Variants in DNAI1 observed in about 807,000 individuals in gnomAD.
DNAI1 encodes the protein dynein, axonemal, intermediate polypeptide 1.
DNAI1 carries 67 observed loss-of-function variants against 92.0 expected under a neutral mutation model. That is an observed-to-expected ratio of 0.73 (90% confidence interval 0.60 to 0.89). DNAI1 has a LOEUF of 0.89. Among genes scored for constraint, DNAI1 ranks in the 40% least tolerant of loss-of-function variants. DNAI1 has a pLI of 0.00. For synonymous variants in DNAI1, 323 were observed against 319.6 expected (o/e 1.01, Z -0.11); for missense variants, 839 against 866.6 (o/e 0.97, Z 0.40).
chr9:34,489,563 C>T, intron 5 of DNAI1, 114 bp downstream of exon 5: 2 of 1,328,238 alleles, frequency 1.5e-6, no homozygotes, highest in Non-Finnish European at 2.1e-6. Flanking sequence ...CTAACATAAA[C>T]TCCAGGCCGG....
chr9:34,504,731 G>C (rs528504372), intron 12 of DNAI1, among the ~76,000 whole-genome samples: 3 of 152,218 alleles, frequency 2.0e-5, no homozygotes, highest in Non-Finnish European at 4.4e-5. Context: ...AGCCCAGCTC[G>C]GCACCATGGC....
rs1554688186 is a variant in DNAI1 at position 34,492,493 on chromosome 9, G to GATAGATATATATATATATAT, written c.682-698_682-697insGATATATATATATATATATA. 2.8e-4 allele frequency among the ~76,000 whole-genome samples: 19 copies of GATAGATATATATATATATAT among 68,258 alleles called. 1 individual carries two copies. The highest frequency in any genetic ancestry group is 1.4e-3 in the South Asian group (3 of 2,220). 44.8% of individuals were successfully genotyped at this position (68,258 alleles called of 152,430 possible). Reference sequence around the variant, plus strand: ...TCCGGGGTGGGGGTGGGGATATGAAGATATATATATATATATATATATATA... The same window carrying GATAGATATATATATATATAT: ...TCCGGGGTGGGGGTGGGGATATGAAGATAGATATATATATATATATATATATATATATATATATATATATA... On this transcript the variant is annotated intron_variant, in intron 8 of 19. Coordinates refer to ENST00000242317, the MANE Select transcript of DNAI1 (RefSeq NM_012144.4).
At chr9:34,520,326 C>T (rs1398119252) in intron 19 of DNAI1, among the ~76,000 whole-genome samples, 1 of 152,200 alleles carries the variant, frequency 6.6e-6, no homozygotes, top group Admixed American at 6.5e-5. Flanking sequence ...CCCGCCTTCG[C>T]AGAGCTGGAT....
intron 13 of DNAI1, among the ~76,000 whole-genome samples, chr9:34,510,280 G>C (rs1460172407): frequency 6.6e-6 from 1 of 152,228 alleles, no homozygotes; most frequent in Non-Finnish European, 1.5e-5. Flanking sequence ...TCTTCTCCAG[G>C]GAACCTGCCT....
intron 4 of DNAI1, among the ~76,000 whole-genome samples, chr9:34,487,611 T>C (rs1485925003): frequency 2.6e-5 from 4 of 152,092 alleles, no homozygotes; most frequent in Admixed American, 6.6e-5. Flanking sequence ...GTACACTCTA[T>C]GGGCTCCTGT....
At chr9:34,466,513 T>C (rs972377889) in intron 1 of DNAI1, among the ~76,000 whole-genome samples, 1 of 152,218 alleles carries the variant, frequency 6.6e-6, no homozygotes. Flanking sequence ...CTCTTCTCTT[T>C]CTGCCCTTTA....
At position 34,467,058 on chromosome 9, in the gene DNAI1, G is replaced by T. The variant is rs560060164; in HGVS notation, c.48+8005G>T. On this transcript the variant is annotated intron_variant, in intron 1 of 19. Transcript: ENST00000242317. ...TTTAAGCAACCAAAGCTAGAAGGAG[G>T]TATTCTCTTTGCTCAGCTCCTCCAG... is the stretch of plus-strand genomic sequence containing the variant. Among the ~76,000 whole-genome samples, 3 of 152,300 alleles carry T rather than the reference G, an allele frequency of 2.0e-5. No homozygotes were observed. The South Asian group carries it at 6.2e-4, about 32-fold the overall frequency.
chr9:34,488,315 C>A (rs1436710404), intron 4 of DNAI1: 1 of 171,268 alleles, frequency 5.8e-6, no homozygotes, highest in Admixed American at 6.4e-5. Context: ...AGACCATGCT[C>A]TTAACCACTG....
At chr9:34,493,442 C>T in intron 9 of DNAI1, 114 bp downstream of exon 9, 4 of 1,416,434 alleles carry the variant, frequency 2.8e-6, no homozygotes, top group Non-Finnish European at 4.0e-6. Flanking sequence ...AAATCAGGGA[C>T]TAATGTTGAG....
At chr9:34,462,859 G>C (rs1823974817) in intron 1 of DNAI1, among the ~76,000 whole-genome samples, 1 of 152,202 alleles carries the variant, frequency 6.6e-6, no homozygotes, top group Non-Finnish European at 1.5e-5. Context: ...CCCACTCTGT[G>C]TTAGGTACTG....
chr9:34,503,707 C>T (rs1824874450), intron 12 of DNAI1, among the ~76,000 whole-genome samples: 1 of 152,170 alleles, frequency 6.6e-6, no homozygotes, highest in Non-Finnish European at 1.5e-5. Context: ...GGGCAATTGC[C>T]TGCAACAGCA....
At chr9:34,480,851 C>T (rs1824339058) in intron 1 of DNAI1, among the ~76,000 whole-genome samples, 1 of 152,186 alleles carries the variant, frequency 6.6e-6, no homozygotes, top group Non-Finnish European at 1.5e-5. Flanking sequence ...GAGGCTGAGG[C>T]AGGAGAATTG....
chr9:34,485,344 A>G (rs1824449417), intron 3 of DNAI1, 93 bp from the exon 4 acceptor site: 9 of 1,589,050 alleles, frequency 5.7e-6, no homozygotes, highest in Non-Finnish European at 6.9e-6. Context: ...CCTGGGTGTG[A>G]GATGTCTGCT....
intron 4 of DNAI1, among the ~76,000 whole-genome samples, chr9:34,487,326 C>T (rs1824493491): frequency 6.6e-6 from 1 of 152,046 alleles, no homozygotes; most frequent in South Asian, 2.1e-4. Flanking sequence ...GCTGGGACTA[C>T]AGGCGCCCGC....
intron 13 of DNAI1, among the ~76,000 whole-genome samples, chr9:34,509,300 A>G (rs1825018514): frequency 6.6e-6 from 1 of 152,166 alleles, no homozygotes; most frequent in African/African-American, 2.4e-5. Context: ...GACATGGGGC[A>G]TCAAGCAGAG....
intron 1 of DNAI1, among the ~76,000 whole-genome samples, chr9:34,473,273 C>CTTATTATTATTATTA (rs5897573): frequency 3.1e-4 from 46 of 146,084 alleles, no homozygotes; most frequent in African/African-American, 7.0e-4. Context: ...CTAAATCAAG[C>CTTATTATTATTATTA]TTATTATTAT....
At position 34,491,620 on chromosome 9, in the gene DNAI1, A is replaced by G. The variant is rs563656308; in HGVS notation, c.681+66A>G. 40 of 1,573,792 alleles carry G rather than the reference A, an allele frequency of 2.5e-5. No individual in the cohort carries two copies. The South Asian group carries it at 4.3e-4, about 17-fold the overall frequency. ...TCTATGTATCCTTTCCTCATTTAGCAGCAAAGGCAACACTGGGTCAAGGGC... is the reference window on the plus strand; with the variant it reads ...TCTATGTATCCTTTCCTCATTTAGCGGCAAAGGCAACACTGGGTCAAGGGC... On this transcript the variant is annotated intron_variant, in intron 8 of 19. Transcript: ENST00000242317.
chr9:34,491,570 A>G lies in DNAI1; in HGVS notation c.681+16A>G. On this transcript the variant is annotated intron_variant, in intron 8 of 19. Coordinates refer to ENST00000242317, the MANE Select transcript of DNAI1 (RefSeq NM_012144.4). ...AGCCAATCAGGTAAGACCCTGGGCC[A>G]GCCTGAAACCTCTTACCACCCACCT... 3 of 1,614,136 alleles carry G rather than the reference A, an allele frequency of 1.9e-6. No homozygotes were observed. Among genetic ancestry groups the G allele is most frequent in the Non-Finnish European group, 2.5e-6 (3 of 1,179,986 alleles).
chr9:34,510,341 T>C (rs972203414), intron 13 of DNAI1, among the ~76,000 whole-genome samples: 3 of 152,120 alleles, frequency 2.0e-5, no homozygotes, highest in Non-Finnish European at 2.9e-5. Flanking sequence ...CCAGCAACAC[T>C]CTGTGGGGTG....
Sources: allele counts gnomAD v4.1 joint callset (sites outside exome capture counted in the v4.1 genomes callset), GRCh38; gene constraint gnomAD v4.1.1; transcripts MANE v1.5; gene names NCBI Gene and HGNC (gene_info 2026-07-23, HGNC 2026-07-21).